The following POLQ variants were observed in gnomAD, a reference collection of about 807,000 sequenced individuals.
POLQ encodes DNA polymerase theta, also known as epididymis secretory sperm binding protein.
In POLQ, 233 loss-of-function variants were observed where a neutral mutation model predicts 259.2. The ratio of observed to expected loss-of-function variants is 0.90; its 90% CI spans 0.81 to 1.00. The LOEUF is 1.00. Ranked by LOEUF, POLQ falls within the 50% of genes least tolerant of loss-of-function variation. The pLI, the probability that POLQ is intolerant of heterozygous loss-of-function variation, is 0.00. For missense variants in POLQ, 2,871 were observed against 3,051.6 expected, an observed-to-expected ratio of 0.94 and a Z score of 1.39; for synonymous variants, 1,025 against 1,048.8, an observed-to-expected ratio of 0.98 and a Z score of 0.44.
rs1354758729 is a variant in POLQ, at chr3:121,473,762, T to G, written c.6406-275A>C. Among the ~76,000 whole-genome samples the G allele has an allele frequency of 2.3e-5, 3 of 130,738 alleles. No homozygotes were observed. The East Asian group carries it at 8.4e-4, about 36-fold the overall frequency. The allele number at this position is 130,738 out of a possible 152,430, so 85.8% of individuals were successfully genotyped here. On this transcript the variant is annotated intron_variant, in intron 20 of 29. Coordinates refer to ENST00000264233, the MANE Select transcript of POLQ (RefSeq NM_199420.4). ...TTTTTTTTTTGAGACAGGATCTCAC[T>G]GTCACCCAGGCCAGAGTGTAGTGGT...
intron 7 of POLQ, among the ~76,000 whole-genome samples, chr3:121,524,428 T>C (rs182259275): frequency 1.4e-4 from 21 of 152,278 alleles, no homozygotes; most frequent in Non-Finnish European, 7.4e-5. Context: ...GTATTTATCT[T>C]GAGCACCACA....
At chr3:121,504,415 A>C (rs2048194283) in intron 12 of POLQ, among the ~76,000 whole-genome samples, 1 of 152,260 alleles carries the variant, frequency 6.6e-6, no homozygotes, top group African/African-American at 2.4e-5. Context: ...TTTACTCCAA[A>C]GTAAAGCCCA....
intron 27 of POLQ, among the ~76,000 whole-genome samples, chr3:121,437,958 T>A (rs1290688084): frequency 6.6e-6 from 1 of 152,164 alleles, no homozygotes; most frequent in Non-Finnish European, 1.5e-5. Context: ...TTAGAAGTTA[T>A]AACAGTGGCT....
intron 28 of POLQ, among the ~76,000 whole-genome samples, chr3:121,434,021 C>T (rs1220679232): frequency 1.3e-5 from 2 of 152,216 alleles, no homozygotes; most frequent in Non-Finnish European, 2.9e-5. Flanking sequence ...AAAGGCTGTA[C>T]CTCTGTTCAC....
intron 24 of POLQ, among the ~76,000 whole-genome samples, chr3:121,460,957 A>T (rs2047786972): frequency 6.6e-6 from 1 of 152,238 alleles, no homozygotes; most frequent in Non-Finnish European, 1.5e-5. Context: ...TTTCATAAGA[A>T]GAGTTGTTAC....
chr3:121,487,924 A>G lies in POLQ; in HGVS notation c.5007T>C (p.Asn1669=). ...KSMTINFSSL[N]RKNTELNEEQ... is the part of the protein sequence containing the mutation. Reference sequence around the variant, plus strand: ...CTTCATTTAACTCTGTATTTTTTCTATTCAAACTGGAAAAGTTTATAGTCA... The same window carrying G: ...CTTCATTTAACTCTGTATTTTTTCTGTTCAAACTGGAAAAGTTTATAGTCA... The change falls in exon 16 of 30, where the codon AAT becomes AAC. Residue 1669 remains asparagine, a synonymous_variant. Transcript: ENST00000264233. 3 of 1,603,332 alleles carry G rather than the reference A, an allele frequency of 1.9e-6. No homozygotes were observed. Among genetic ancestry groups the G allele is most frequent in the African/African-American group, 1.3e-5 (1 of 74,258 alleles).
chr3:121,527,268 T>C (rs1158660146), intron 7 of POLQ, among the ~76,000 whole-genome samples: 1 of 152,030 alleles, frequency 6.6e-6, no homozygotes, highest in Non-Finnish European at 1.5e-5. Context: ...CACCATGTTG[T>C]CCAGGCTGGT....
chr3:121,485,279 T>C, intron 16 of POLQ, 95 bp from the exon 17 acceptor site: 2 of 789,582 alleles, frequency 2.5e-6, no homozygotes, highest in Non-Finnish European at 3.8e-6. Flanking sequence ...CTATCTTTGA[T>C]AGGCAAAATT....
At position 121,468,333 on chromosome 3, in the gene POLQ, C is replaced by T. The variant is rs769981480; in HGVS notation, c.6817G>A (p.Val2273Ile). 3.1e-6 allele frequency: 5 copies of T among 1,613,124 alleles called. No homozygotes were observed. The South Asian group carries it at 3.3e-5, about 11-fold the overall frequency. Residue 2273 changes from valine (V) to isoleucine (I), a missense_variant, in exon 23 of 30, where the codon GTA (valine) becomes ATA (isoleucine). Physicochemically the swap from Val to Ile is conservative, Grantham distance 29. This residue lies in a region of POLQ where 2,080 missense variants were observed against 2,126.0 expected (regional missense o/e 0.98). Transcript: ENST00000264233. ...CCCATGGGAAGTAGGCCTTTGCCTA[C>T]AGCTTGAGAAGGTGGGCTTTCTCCT... ...LVGESPPSQA[V>I]GKGLLPMGRG...
Position 121,490,194 on chromosome 3 carries a change from G to A in POLQ, c.2737C>T (p.His913Tyr), listed in dbSNP as rs143795781. 2.1e-4 allele frequency: 331 copies of A among 1,613,490 alleles called. No homozygotes were observed. Among genetic ancestry groups the A allele is most frequent in the Non-Finnish European group, 2.7e-4 (313 of 1,179,624 alleles). ...LLHSSTCSLT[H>Y]SESEVKEHTF... ...TGTTCCTTTACTTCGGACTCACTAT[G>A]AGTCAATGAGCATGTACTAGAATGT... is the stretch of plus-strand genomic sequence containing the variant. The change falls in exon 16 of 30, where the codon CAT becomes TAT. Residue 913 changes from histidine (H) to tyrosine (Y), a missense_variant. His to Tyr is a moderately conservative substitution (Grantham distance 83). Coordinates refer to ENST00000264233, the MANE Select transcript of POLQ (RefSeq NM_199420.4).
intron 8 of POLQ, 30 bp from the exon 9 acceptor site, chr3:121,520,113 T>A: frequency 3.9e-6 from 5 of 1,290,462 alleles, no homozygotes; most frequent in East Asian, 2.4e-5. Flanking sequence ...ATATATTTAT[T>A]GATATATAAC....
At position 121,489,069 on chromosome 3, in the gene POLQ, T is replaced by C. The variant is rs368270715; in HGVS notation, c.3862A>G (p.Ile1288Val). The change falls in exon 16 of 30, where the codon ATT becomes GTT. Residue 1288 changes from isoleucine (I) to valine (V), a missense_variant. Around this residue, in one of 3 missense-constraint regions of POLQ, gnomAD observed 2,080 missense variants for 2,126.0 expected, o/e 0.98. Transcript: ENST00000264233. Reference protein sequence around the residue: ...SEGQHENFLNISRLQEKTGTY... With the variant: ...SEGQHENFLNVSRLQEKTGTY... ...CCTGTTTTTTCTTGTAGTCTAGAAATATTTAGAAAATTCTCATGCTGGCCT... is the reference window on the plus strand; with the variant it reads ...CCTGTTTTTTCTTGTAGTCTAGAAACATTTAGAAAATTCTCATGCTGGCCT... 1.9e-6 allele frequency: 3 copies of C among 1,613,492 alleles called. No homozygotes were observed. Among genetic ancestry groups the C allele is most frequent in the Non-Finnish European group, 2.5e-6 (3 of 1,179,440 alleles).
At chr3:121,467,743 T>C (rs1576407508) in intron 23 of POLQ, 103 bp from the exon 24 acceptor site, 1 of 1,224,366 alleles carries the variant, frequency 8.2e-7, no homozygotes, top group East Asian at 2.4e-5. Context: ...AGAAACTTAA[T>C]AAAAACCTTA....
At chr3:121,491,683 G>A (rs982658751) in intron 15 of POLQ, among the ~76,000 whole-genome samples, 1 of 152,086 alleles carries the variant, frequency 6.6e-6, no homozygotes, top group African/African-American at 2.4e-5. Context: ...AACTAGAGAG[G>A]AACAACTCGT....
Position 121,541,937 on chromosome 3 carries a change from C to T in POLQ, c.344-458G>A, listed in dbSNP as rs142778003. Among the ~76,000 whole-genome samples the T allele has an allele frequency of 2.5e-3, 381 of 151,400 alleles. 16 individuals are homozygous for T. In the East Asian group the frequency reaches 0.065, roughly 26 times the overall value. The stretch of plus-strand genomic sequence containing the variant: ...GTCAGGAGTTTGAAACCATCCTGGA[C>T]AACATGGTAAAACCCCATCTCTATT... On this transcript the variant is annotated intron_variant, in intron 2 of 29. Transcript: ENST00000264233.
At chr3:121,518,461 T>A (rs930122322) in intron 9 of POLQ, among the ~76,000 whole-genome samples, 9 of 152,184 alleles carry the variant, frequency 5.9e-5, no homozygotes, top group Non-Finnish European at 8.8e-5. Context: ...AGGGAAAGTG[T>A]GCTTGGAAAG....
chr3:121,447,374 G>T (rs983659055), intron 26 of POLQ, among the ~76,000 whole-genome samples: 1 of 151,896 alleles, frequency 6.6e-6, no homozygotes, highest in African/African-American at 2.4e-5. Flanking sequence ...GTTTCACCAT[G>T]TTGGTCTTGA....
chr3:121,545,076 A>G (rs2048520907), intron 1 of POLQ, among the ~76,000 whole-genome samples, 170 bp from the exon 2 acceptor site: 1 of 152,206 alleles, frequency 6.6e-6, no homozygotes, highest in Non-Finnish European at 1.5e-5. Context: ...AAAGTAATAA[A>G]TTGTTATTTA....
At position 121,488,311 on chromosome 3, in the gene POLQ, C is replaced by T. The variant is rs1013936832; in HGVS notation, c.4620G>A (p.Glu1540=). ...TCAACTGCTGGTGGGTATCTTGATT[C>T]TCATTTACATTTGATTTTTTAATTA... ...EDLIKKSNVN[E]NQDTHQQLTC... is the part of the protein sequence containing the mutation. Residue 1540 remains glutamate, a synonymous_variant, in exon 16 of 30, where the codon GAG becomes GAA. Coordinates refer to ENST00000264233, the MANE Select transcript of POLQ (RefSeq NM_199420.4). The T allele has an allele frequency of 6.2e-7, 1 of 1,612,420 alleles. No homozygotes were observed. The highest frequency in any genetic ancestry group is 8.5e-7 in the Non-Finnish European group (1 of 1,179,362).
Sources: gnomAD v4.1 joint callset for allele counts (sites outside exome capture counted in the v4.1 genomes callset) on GRCh38, gnomAD v4.1.1 for gene constraint, gnomAD v4.1.1 regional missense constraint, MANE v1.5 for transcripts, NCBI Gene and HGNC (gene_info 2026-07-23, HGNC 2026-07-21) for gene names.